MRPS31: variants seen among roughly 807,000 people sequenced by gnomAD.
MRPS31 encodes small ribosomal subunit protein mS31.
MRPS31 carries 32 observed loss-of-function variants against 43.1 expected under a neutral mutation model. The ratio of observed to expected loss-of-function variants is 0.74; its 90% confidence interval spans 0.56 to 1.00. The LOEUF is 1.00. Ranked by LOEUF, MRPS31 falls within the 50% of genes least tolerant of loss-of-function variation. MRPS31 has a pLI of 0.00. For missense variants in MRPS31, 437 were observed against 466.7 expected, an observed-to-expected ratio of 0.94 and a Z score of 0.59; for synonymous variants, 165 against 161.6, an observed-to-expected ratio of 1.02 and a Z score of -0.16.
At chr13:40,757,710 C>T (rs1880569495) in intron 3 of MRPS31, among the ~76,000 whole-genome samples, 1 of 147,260 alleles carries the variant, frequency 6.8e-6, no homozygotes, top group African/African-American at 2.5e-5. Context: ...TCTCACAGTG[C>T]TGGGATTACA....
At chr13:40,753,670 G>A (rs534371118) in intron 5 of MRPS31, among the ~76,000 whole-genome samples, 7 of 152,276 alleles carry the variant, frequency 4.6e-5, no homozygotes, top group South Asian at 4.1e-4. Flanking sequence ...CAGTCATCGC[G>A]CACACAGAGT....
At chr13:40,735,030 T>C (rs931896690) in intron 6 of MRPS31, among the ~76,000 whole-genome samples, 21 of 152,280 alleles carry the variant, frequency 1.4e-4, no homozygotes, top group African/African-American at 4.8e-4. Flanking sequence ...ACCGGGTTCA[T>C]CTCACTAGGG....
chr13:40,746,350 C>A (rs1274294268), intron 6 of MRPS31, among the ~76,000 whole-genome samples: 1 of 152,120 alleles, frequency 6.6e-6, no homozygotes, highest in Admixed American at 6.6e-5. Flanking sequence ...TAAATGTGTA[C>A]CCAGGGCAGC....
At chr13:40,753,709 G>A (rs1364078984) in intron 5 of MRPS31, among the ~76,000 whole-genome samples, 7 of 152,226 alleles carry the variant, frequency 4.6e-5, no homozygotes, top group African/African-American at 1.7e-4. Flanking sequence ...CTGAAAGGCT[G>A]CTTAGAGATG....
At chr13:40,731,521 G>A (rs1879698503) in intron 6 of MRPS31, among the ~76,000 whole-genome samples, 1 of 150,860 alleles carries the variant, frequency 6.6e-6, no homozygotes, top group Non-Finnish European at 1.5e-5. Context: ...GGCAGAGGTT[G>A]CAGTGAGCTG....
intron 3 of MRPS31, among the ~76,000 whole-genome samples, chr13:40,757,766 A>T (rs1880574205): frequency 1.4e-5 from 2 of 140,126 alleles, no homozygotes; most frequent in African/African-American, 2.7e-5. Flanking sequence ...TTTTAATTAC[A>T]GTTTCTTGTC....
At position 40,750,240 on chromosome 13, in the gene MRPS31, T is replaced by A. The variant is rs1388797754; in HGVS notation, c.815-959A>T. Among the ~76,000 whole-genome samples, 11 of 152,138 alleles carry A rather than the reference T, an allele frequency of 7.2e-5. No individual in the cohort carries two copies. In the South Asian group the frequency reaches 1.4e-3, roughly 20 times the overall value. ...TAACAGCATATGGATGAATCTCAAA[T>A]CATTATGCTGAGTCAAAGAAGCCAG... On this transcript the variant is annotated intron_variant, in intron 5 of 6. Transcript: ENST00000323563.
chr13:40,735,016 A>G (rs1166987392), intron 6 of MRPS31, among the ~76,000 whole-genome samples: 1 of 152,092 alleles, frequency 6.6e-6, no homozygotes, highest in East Asian at 1.9e-4. Flanking sequence ...TTTCCATCTG[A>G]GGTACCGGGT....
chr13:40,739,244 C>A (rs1399585182), intron 6 of MRPS31, among the ~76,000 whole-genome samples: 2 of 152,038 alleles, frequency 1.3e-5, no homozygotes, highest in Non-Finnish European at 2.9e-5. Context: ...ATGTAAAGGA[C>A]CTCTTCAAGG....
At chr13:40,753,172 T>C (rs979445645) in intron 5 of MRPS31, among the ~76,000 whole-genome samples, 12 of 152,252 alleles carry the variant, frequency 7.9e-5, no homozygotes, top group African/African-American at 2.9e-4. Context: ...AGACTTAAAA[T>C]GGCAAATTTC....
intron 5 of MRPS31, among the ~76,000 whole-genome samples, chr13:40,751,489 C>T (rs1880389455): frequency 6.6e-6 from 1 of 152,194 alleles, no homozygotes. Context: ...AACACCAACA[C>T]TCTTTCTGTT....
chr13:40,729,138 T>C lies in MRPS31; in HGVS notation c.*234A>G. ...GTGAAAAGAAAAAGGTTAGGAGTTGTTGTCTTAAATGTATTACTAATTCCC... is the reference window on the plus strand; with the variant it reads ...GTGAAAAGAAAAAGGTTAGGAGTTGCTGTCTTAAATGTATTACTAATTCCC... On this transcript the variant is annotated 3_prime_UTR_variant, in exon 7 of 7. Coordinates refer to ENST00000323563, the MANE Select transcript of MRPS31 (RefSeq NM_005830.4). The C allele has an allele frequency of 3.1e-6, 1 of 325,850 alleles. No homozygotes were observed. Among genetic ancestry groups the C allele is most frequent in the South Asian group, 5.3e-5 (1 of 18,902 alleles). 20.2% of individuals were successfully genotyped at this position (325,850 alleles called of 1,614,324 possible). A position where few individuals can be genotyped will look rare whatever the true frequency, so the allele number is the denominator to read the frequency against.
intron 4 of MRPS31, 116 bp downstream of exon 4, chr13:40,756,757 T>A: frequency 8.7e-7 from 1 of 1,148,190 alleles, no homozygotes; most frequent in Non-Finnish European, 1.3e-6. Context: ...GTAAATGTAT[T>A]CATAATGTTC....
intron 6 of MRPS31, among the ~76,000 whole-genome samples, chr13:40,748,858 C>T (rs1017186823): frequency 2.0e-5 from 3 of 152,160 alleles, no homozygotes; most frequent in Non-Finnish European, 2.9e-5. Flanking sequence ...GATTAGAAAA[C>T]TGGTATCATT....
At chr13:40,738,547 C>T (rs1238189414) in intron 6 of MRPS31, among the ~76,000 whole-genome samples, 10 of 151,934 alleles carry the variant, frequency 6.6e-5, no homozygotes, top group African/African-American at 9.7e-5. Flanking sequence ...CAATAAAATA[C>T]TGGCAAACCG....
chr13:40,749,133 C>A lies in MRPS31; in HGVS notation c.958+5G>T, dbSNP rs755561262. ...GTTTTATAATCCCCTGAAATTAACA[C>A]TTACCTGCTTCATTGTTAATTGGGA... On this transcript the variant is annotated splice_donor_5th_base_variant and intron_variant, in intron 6 of 6. Coordinates refer to ENST00000323563, the MANE Select transcript of MRPS31 (RefSeq NM_005830.4). 2 of 1,589,886 alleles carry A rather than the reference C, an allele frequency of 1.3e-6. No homozygotes were observed. Among genetic ancestry groups the A allele is most frequent in the Admixed American group, 3.7e-5 (2 of 53,614 alleles).
At chr13:40,739,715 C>A (rs1360312843) in intron 6 of MRPS31, among the ~76,000 whole-genome samples, 1 of 151,082 alleles carries the variant, frequency 6.6e-6, no homozygotes, top group Non-Finnish European at 1.5e-5. Context: ...ATAAACGGTG[C>A]TGGGAAAACG....
chr13:40,738,119 C>A (rs1467865404), intron 6 of MRPS31, among the ~76,000 whole-genome samples: 1 of 152,012 alleles, frequency 6.6e-6, no homozygotes, highest in Non-Finnish European at 1.5e-5. Flanking sequence ...ACCACCAATC[C>A]CACAGAAATA....
Position 40,771,086 on chromosome 13 carries a change from G to A in MRPS31, c.51C>T (p.His17=). 2 of 1,614,060 alleles carry A rather than the reference G, an allele frequency of 1.2e-6. No homozygotes were observed. Among genetic ancestry groups the A allele is most frequent in the Non-Finnish European group, 1.7e-6 (2 of 1,179,960 alleles). ...TFLPLRPLSR[H]PLSSGSPETS... ...TCTCCGGGCTTCCAGAGGACAAAGGGTGGCGGGAAAGGGGGCGAAGAGGTA... is the reference window on the plus strand; with the variant it reads ...TCTCCGGGCTTCCAGAGGACAAAGGATGGCGGGAAAGGGGGCGAAGAGGTA... The change falls in exon 1 of 7, where the codon CAC becomes CAT. Residue 17 remains histidine, a synonymous_variant. Coordinates refer to ENST00000323563, the MANE Select transcript of MRPS31 (RefSeq NM_005830.4).
Sources: allele counts gnomAD v4.1 joint callset (sites outside exome capture counted in the v4.1 genomes callset), GRCh38; gene constraint gnomAD v4.1.1; transcripts MANE v1.5; gene names NCBI Gene and HGNC (gene_info 2026-07-23, HGNC 2026-07-21).